The following KCNC2 variants were observed in gnomAD, a reference collection of about 807,000 sequenced individuals.
KCNC2 encodes voltage-gated potassium channel KCNC2.
Under a neutral mutation model 44.5 loss-of-function variants are expected in KCNC2, and 21 were observed. The observed-to-expected ratio is 0.47, with a 90% CI of 0.33 to 0.68. KCNC2 has a LOEUF of 0.68. Ranked by LOEUF, KCNC2 falls within the 30% of genes least tolerant of loss-of-function variation. KCNC2 has a pLI of 0.01. For missense variants in KCNC2, 589 were observed against 826.2 expected, an observed-to-expected ratio of 0.71 and a Z score of 3.52; for synonymous variants, 391 against 339.1, an observed-to-expected ratio of 1.15 and a Z score of -1.68.
intron 2 of KCNC2, among the ~76,000 whole-genome samples, chr12:75,146,905 T>G (rs1212266561): frequency 1.3e-5 from 2 of 152,166 alleles, no homozygotes; most frequent in African/African-American, 4.8e-5. Context: ...ACAATTGTGC[T>G]GAGGTCTGAG....
intron 2 of KCNC2, among the ~76,000 whole-genome samples, chr12:75,088,338 T>C (rs909694613): frequency 7.2e-5 from 11 of 152,098 alleles, no homozygotes; most frequent in Non-Finnish European, 1.5e-4. Flanking sequence ...TGCATGTAAG[T>C]ATTTAACTTG....
At chr12:75,197,773 T>C (rs77067736) in intron 2 of KCNC2, among the ~76,000 whole-genome samples, 4,389 of 151,884 alleles carry the variant, frequency 0.029, 200 homozygotes, top group African/African-American at 0.1. Context: ...ATCCAATCAG[T>C]GTGGACAAAG....
intron 2 of KCNC2, among the ~76,000 whole-genome samples, chr12:75,114,188 T>C (rs1432561265): frequency 1.3e-5 from 2 of 152,234 alleles, no homozygotes; most frequent in Non-Finnish European, 2.9e-5. Flanking sequence ...ATGAGAGTGC[T>C]TTTGACTTTT....
At chr12:75,186,161 A>G (rs913870714) in intron 2 of KCNC2, among the ~76,000 whole-genome samples, 2 of 152,028 alleles carry the variant, frequency 1.3e-5, no homozygotes, top group Non-Finnish European at 2.9e-5. Context: ...AATACAAAAG[A>G]GTCTACAAAT....
At chr12:75,137,254 C>T (rs1889299622) in intron 2 of KCNC2, among the ~76,000 whole-genome samples, 1 of 152,120 alleles carries the variant, frequency 6.6e-6, no homozygotes, top group Non-Finnish European at 1.5e-5. Flanking sequence ...TCAAGGATCT[C>T]ATCCTCAGCT....
At chr12:75,156,084 G>C (rs757322406) in intron 2 of KCNC2, among the ~76,000 whole-genome samples, 2 of 151,714 alleles carry the variant, frequency 1.3e-5, no homozygotes, top group Admixed American at 6.6e-5. Flanking sequence ...TTCTACCTCA[G>C]AGCTTTTAAG....
intron 2 of KCNC2, among the ~76,000 whole-genome samples, chr12:75,107,683 G>T (rs1244613093): frequency 6.7e-6 from 1 of 148,526 alleles, no homozygotes; most frequent in Non-Finnish European, 1.5e-5. Context: ...AACGTCAAAA[G>T]AGTAAAAGGA....
chr12:75,153,240 G>A (rs908308662), intron 2 of KCNC2, among the ~76,000 whole-genome samples: 4 of 152,020 alleles, frequency 2.6e-5, no homozygotes, highest in African/African-American at 9.7e-5. Context: ...TTCACAGGCT[G>A]AGGGAGGTAG....
intron 2 of KCNC2, among the ~76,000 whole-genome samples, chr12:75,125,105 CA>C (rs111942748): frequency 6.6e-6 from 1 of 150,786 alleles, no homozygotes; most frequent in Non-Finnish European, 1.5e-5. Context: ...GACTCCGTCT[CA>C]AAAAAAAATT....
intron 2 of KCNC2, among the ~76,000 whole-genome samples, chr12:75,054,117 C>A (rs957026730): frequency 2.6e-5 from 4 of 151,538 alleles, no homozygotes; most frequent in Admixed American, 1.3e-4. Context: ...CAGCTACTTT[C>A]CCAAGTACTG....
intron 2 of KCNC2, among the ~76,000 whole-genome samples, chr12:75,129,208 C>T (rs1277165417): frequency 3.3e-5 from 5 of 152,144 alleles, no homozygotes; most frequent in Non-Finnish European, 7.4e-5. Context: ...AACAAACTAA[C>T]CACCAGATGA....
At chr12:75,204,227 A>G (rs1485373824) in intron 2 of KCNC2, among the ~76,000 whole-genome samples, 2 of 151,994 alleles carry the variant, frequency 1.3e-5, no homozygotes, top group Non-Finnish European at 2.9e-5. Flanking sequence ...TTATTTACCA[A>G]TTGAAATACA....
At chr12:75,141,634 A>G (rs1889659778) in intron 2 of KCNC2, among the ~76,000 whole-genome samples, 1 of 152,198 alleles carries the variant, frequency 6.6e-6, no homozygotes, top group Non-Finnish European at 1.5e-5. Context: ...AAAATCATTC[A>G]GAATTTGAAT....
intron 2 of KCNC2, among the ~76,000 whole-genome samples, chr12:75,068,388 G>C (rs1883047583): frequency 6.6e-6 from 1 of 152,162 alleles, no homozygotes; most frequent in Non-Finnish European, 1.5e-5. Flanking sequence ...GAAGACAAGG[G>C]CAAGAGTCAA....
At chr12:75,064,768 T>C (rs935131308) in intron 2 of KCNC2, among the ~76,000 whole-genome samples, 6 of 152,088 alleles carry the variant, frequency 3.9e-5, no homozygotes, top group Non-Finnish European at 7.4e-5. Context: ...TGAGAGAGTA[T>C]GTTGTTTTTA....
intron 2 of KCNC2, among the ~76,000 whole-genome samples, chr12:75,202,069 T>C (rs976448897): frequency 1.1e-4 from 17 of 151,856 alleles, no homozygotes; most frequent in Non-Finnish European, 5.9e-5. Context: ...AAATGCAAAA[T>C]CTACAAAAAG....
intron 2 of KCNC2, among the ~76,000 whole-genome samples, chr12:75,178,356 G>A (rs1187710412): frequency 6.6e-6 from 1 of 151,992 alleles, no homozygotes. Context: ...AAAGCTGGAT[G>A]TGAATCAAAT....
intron 2 of KCNC2, among the ~76,000 whole-genome samples, chr12:75,154,344 C>A (rs1890614453): frequency 6.6e-6 from 1 of 151,962 alleles, no homozygotes; most frequent in Non-Finnish European, 1.5e-5. Context: ...TGATACAAAA[C>A]TGGCTTTATA....
At chr12:75,085,692 A>G (rs1203661370) in intron 2 of KCNC2, among the ~76,000 whole-genome samples, 2 of 152,090 alleles carry the variant, frequency 1.3e-5, no homozygotes, top group East Asian at 3.9e-4. Context: ...CAAATGGAAA[A>G]TAGATGCTCT....
Sources: allele counts gnomAD v4.1 joint callset (sites outside exome capture counted in the v4.1 genomes callset), GRCh38; gene constraint gnomAD v4.1.1; transcripts MANE v1.5; gene names NCBI Gene and HGNC (gene_info 2026-07-23, HGNC 2026-07-21).